INO80D: variants seen among roughly 807,000 people sequenced by gnomAD.
INO80D encodes the protein INO80 complex subunit D.
A neutral mutation model predicts 87.6 loss-of-function variants in INO80D; 21 were observed. That is an observed-to-expected ratio of 0.24 (90% CI 0.17 to 0.35). The LOEUF (loss-of-function observed/expected upper bound fraction) is 0.35. Ranked by LOEUF, INO80D falls within the 10% of genes least tolerant of loss-of-function variation. The pLI, the probability that INO80D is intolerant of heterozygous loss-of-function variation, is 1.00. For synonymous variants in INO80D, 440 were observed against 491.0 expected (o/e 0.90, Z 1.37); for missense variants, 982 against 1,280.7 (o/e 0.77, Z 3.56).
intron 3 of INO80D, among the ~76,000 whole-genome samples, chr2:206,058,007 G>A (rs955570651): frequency 6.6e-6 from 1 of 151,944 alleles, no homozygotes; most frequent in Non-Finnish European, 1.5e-5. Context: ...GGTGCCTTAT[G>A]TATTTCATTT....
rs117445248 is a variant in INO80D at position 206,043,813 on chromosome 2, C to A, written c.1073+2691G>T. On this transcript the variant is annotated intron_variant, in intron 5 of 10. Transcript: ENST00000403263. ...GGTAGGGCCAATTTTCTACAGCTCCCCATTTTCTACTACACTGAAACACAG... is the reference window on the plus strand; with the variant it reads ...GGTAGGGCCAATTTTCTACAGCTCCACATTTTCTACTACACTGAAACACAG... Among the ~76,000 whole-genome samples the A allele has an allele frequency of 5.9e-5, 9 of 152,302 alleles. No individual in the cohort carries two copies. In the East Asian group the frequency reaches 1.7e-3, roughly 29 times the overall value.
At chr2:206,008,234 T>C (rs1283015017) in intron 9 of INO80D, among the ~76,000 whole-genome samples, 1 of 151,756 alleles carries the variant, frequency 6.6e-6, no homozygotes, top group Non-Finnish European at 1.5e-5. Flanking sequence ...TCCACCCACC[T>C]TGGCCTCCCA....
chr2:206,041,007 G>A (rs756301654), intron 5 of INO80D, among the ~76,000 whole-genome samples: 1 of 152,134 alleles, frequency 6.6e-6, no homozygotes, highest in African/African-American at 2.4e-5. Context: ...GTTCTTATGC[G>A]TGAAGTGGTT....
At chr2:206,049,718 C>T (rs149291998) in intron 4 of INO80D, among the ~76,000 whole-genome samples, 368 of 152,334 alleles carry the variant, frequency 2.4e-3, no homozygotes, top group African/African-American at 8.0e-3. Flanking sequence ...TCTTTGCTGA[C>T]ATGAATACAG....
intron 5 of INO80D, 108 bp from the exon 6 acceptor site, chr2:206,028,443 T>C (rs952357800): frequency 1.3e-5 from 10 of 794,628 alleles, no homozygotes; most frequent in Non-Finnish European, 1.8e-5. Flanking sequence ...TTTAAAACTT[T>C]TGTGGCATGT....
At position 206,056,420 on chromosome 2, in the gene INO80D, T is replaced by C; in HGVS notation, c.742A>G (p.Thr248Ala). Reference protein sequence around the residue: ...TSLPMQGVAPTTHTIAQARQL... With the variant: ...TSLPMQGVAPATHTIAQARQL... Reference sequence around the variant, plus strand: ...CGTGCTTGTGCTATAGTGTGTGTGGTGGGTGCCACTCCCTGCATTGGTAGG... The same window carrying C: ...CGTGCTTGTGCTATAGTGTGTGTGGCGGGTGCCACTCCCTGCATTGGTAGG... The change falls in exon 4 of 11, where the codon ACC (threonine) becomes GCC (alanine). Residue 248 changes from threonine to alanine, a missense_variant. Thr to Ala is a moderately conservative substitution (Grantham distance 58). Transcript: ENST00000403263. 6.2e-7 allele frequency: 1 copy of C among 1,613,846 alleles called. No individual in the cohort carries two copies. Among genetic ancestry groups the C allele is most frequent in the East Asian group, 2.2e-5 (1 of 44,876 alleles).
Position 205,998,755 on chromosome 2 carries a change from C to T in INO80D, c.*5613G>A, listed in dbSNP as rs1012945202. On this transcript the variant is annotated 3_prime_UTR_variant, in exon 11 of 11. Coordinates refer to ENST00000403263, the MANE Select transcript of INO80D (RefSeq NM_017759.5). ...GTCCTATGCAAGACACTGTGGGCTACAAAACCAAATGTTTCCTCTTTCTTC... is the reference window on the plus strand; with the variant it reads ...GTCCTATGCAAGACACTGTGGGCTATAAAACCAAATGTTTCCTCTTTCTTC... 1.3e-5 allele frequency: 2 copies of T among 152,162 alleles called. No individual in the cohort carries two copies. Among genetic ancestry groups the T allele is most frequent in the African/African-American group, 4.8e-5 (2 of 41,450 alleles). 9.4% of individuals were successfully genotyped at this position (152,162 alleles called of 1,614,324 possible).
In INO80D at chr2:205,994,870, C is replaced by A; in HGVS notation, c.*9498G>T. 1 of 128,564 alleles carries A rather than the reference C, an allele frequency of 7.8e-6. No homozygotes were observed. The highest frequency in any genetic ancestry group is 2.7e-5 in the African/African-American group (1 of 36,692). The allele number at this position is 128,564 out of a possible 1,614,324, so 8.0% of individuals were successfully genotyped here. ...TATTTCAAGCACATGCAACTTGGAA[C>A]TCGCAAAAAAAAAAAAAAAAGAAAG... On this transcript the variant is annotated 3_prime_UTR_variant, in exon 11 of 11. Coordinates refer to ENST00000403263, the MANE Select transcript of INO80D (RefSeq NM_017759.5).
rs1302823350 is a variant in INO80D, at chr2:205,994,571, TC to T, written c.*9796del. ...TTAAAGGCTACTTCTGATATCAGGT[TC>T]CAGCTAAGCTACTCAGTAAAATGGC... On this transcript the variant is annotated 3_prime_UTR_variant, in exon 11 of 11. Transcript: ENST00000403263. 2 of 152,174 alleles carry T rather than the reference TC, an allele frequency of 1.3e-5. No individual in the cohort carries two copies. The highest frequency in any genetic ancestry group is 2.9e-5 in the Non-Finnish European group (2 of 68,040). The allele number at this position is 152,174 out of a possible 1,614,324, so 9.4% of individuals were successfully genotyped here. A position where few individuals can be genotyped will look rare whatever the true frequency, so the allele number is the denominator to read the frequency against.
chr2:206,021,256 C>G (rs1009544797), intron 6 of INO80D, among the ~76,000 whole-genome samples: 1 of 152,164 alleles, frequency 6.6e-6, no homozygotes. Context: ...TAAGGCCACA[C>G]AGAATCTAAA....
At chr2:206,038,551 G>A (rs1688950750) in intron 5 of INO80D, among the ~76,000 whole-genome samples, 1 of 152,196 alleles carries the variant, frequency 6.6e-6, no homozygotes, top group Non-Finnish European at 1.5e-5. Flanking sequence ...AAAAACTTGG[G>A]CCAGGCACAG....
chr2:206,048,266 A>G (rs1689253431), intron 4 of INO80D, among the ~76,000 whole-genome samples: 1 of 151,934 alleles, frequency 6.6e-6, no homozygotes, highest in Non-Finnish European at 1.5e-5. Context: ...AAGGGTCTCG[A>G]TCTGTTGCCC....
intron 4 of INO80D, among the ~76,000 whole-genome samples, chr2:206,051,010 T>C (rs1689351631): frequency 6.8e-6 from 1 of 147,880 alleles, no homozygotes; most frequent in Middle Eastern, 3.2e-3. Flanking sequence ...GCCTCAAAAC[T>C]AATGTCTAAA....
chr2:206,072,776 T>G (rs992268548), intron 1 of INO80D, among the ~76,000 whole-genome samples: 2 of 152,108 alleles, frequency 1.3e-5, no homozygotes, highest in African/African-American at 4.8e-5. Context: ...TAAAGCATAC[T>G]TATTATAGAA....
Position 206,004,362 on chromosome 2 carries a change from A to G in INO80D, c.*6T>C, listed in dbSNP as rs771476036. 2 of 1,579,990 alleles carry G rather than the reference A, an allele frequency of 1.3e-6. No homozygotes were observed. Among genetic ancestry groups the G allele is most frequent in the South Asian group, 1.2e-5 (1 of 86,392 alleles). On this transcript the variant is annotated 3_prime_UTR_variant, in exon 11 of 11. Coordinates refer to ENST00000403263, the MANE Select transcript of INO80D (RefSeq NM_017759.5). The surrounding 1 kb of genome is among the most constrained non-coding windows in gnomAD (Gnocchi z 4.9). ...TCCCCACCTGCCTGCAAACACACAG[A>G]CACCCTCAGTTAGGGGAGGGAAAGG...
At chr2:206,028,578 G>A (rs1688678776) in intron 5 of INO80D, among the ~76,000 whole-genome samples, 1 of 152,176 alleles carries the variant, frequency 6.6e-6, no homozygotes, top group Admixed American at 6.5e-5. Flanking sequence ...CATGGCATCA[G>A]TAGACACTTA....
intron 1 of INO80D, among the ~76,000 whole-genome samples, chr2:206,072,902 T>C (rs1288109074): frequency 2.0e-5 from 3 of 151,432 alleles, no homozygotes; most frequent in Non-Finnish European, 4.4e-5. Context: ...GAGTGTACAG[T>C]GGCACAATCA....
chr2:206,040,290 A>T (rs1306203893), intron 5 of INO80D: 2 of 153,404 alleles, frequency 1.3e-5, no homozygotes, highest in Admixed American at 6.6e-5. Context: ...TGTCTCAAAA[A>T]AAAAAAAAAA....
intron 4 of INO80D, among the ~76,000 whole-genome samples, chr2:206,055,883 G>C (rs1559455800): frequency 6.6e-6 from 1 of 152,130 alleles, no homozygotes; most frequent in Non-Finnish European, 1.5e-5. Flanking sequence ...ACGTAATCTA[G>C]AGATGATTTA....
Sources: allele counts gnomAD v4.1 joint callset (sites outside exome capture counted in the v4.1 genomes callset), GRCh38; gene constraint gnomAD v4.1.1; non-coding constraint Gnocchi (gnomAD v3.1); transcripts MANE v1.5; gene names NCBI Gene and HGNC (gene_info 2026-07-23, HGNC 2026-07-21).